Variants in DAP observed in about 807,000 individuals in gnomAD.
DAP encodes the protein death-associated protein 1.
Under a neutral mutation model 13.8 loss-of-function variants are expected in DAP, and 8 were observed. The ratio of observed to expected loss-of-function variants is 0.58; its 90% confidence interval spans 0.34 to 1.05. DAP has a LOEUF of 1.05. Ranked by LOEUF, DAP falls within the 50% of genes least tolerant of loss-of-function variation. The pLI, the probability that DAP is intolerant of heterozygous loss-of-function variation, is 0.03. For missense variants in DAP, 106 were observed against 133.2 expected (o/e 0.80, Z 1.01); for synonymous variants, 47 against 47.5 (o/e 0.99, Z 0.04).
intron 2 of DAP, among the ~76,000 whole-genome samples, chr5:10,698,971 A>C (rs538487118): frequency 6.6e-6 from 1 of 152,366 alleles, no homozygotes; most frequent in Admixed American, 6.5e-5. Flanking sequence ...TGATTGGCTG[A>C]TACGGCTGAG....
rs1036891724 is a variant in DAP at position 10,710,699 on chromosome 5, C to T, written c.153-27128G>A. On this transcript the variant is annotated intron_variant, in intron 2 of 3. Coordinates refer to ENST00000230895, the MANE Select transcript of DAP (RefSeq NM_004394.3). ...AAGGCAGGACGTGCCTTGACTTCTG[C>T]GGGTGACAGGGCAAGCAGGCTGGGA... 7.2e-5 allele frequency among the ~76,000 whole-genome samples: 11 copies of T among 152,176 alleles called. No individual in the cohort carries two copies. The South Asian group carries it at 8.3e-4, about 11-fold the overall frequency.
chr5:10,729,592 A>T (rs1739384494), intron 2 of DAP, among the ~76,000 whole-genome samples: 2 of 152,226 alleles, frequency 1.3e-5, no homozygotes, highest in South Asian at 4.1e-4. Flanking sequence ...AATACCAAAG[A>T]TGTCCCCTAT....
intron 2 of DAP, among the ~76,000 whole-genome samples, chr5:10,689,064 C>G (rs56026836): frequency 2.6e-5 from 4 of 152,108 alleles, no homozygotes; most frequent in Non-Finnish European, 5.9e-5. Flanking sequence ...GTCCTCTGGG[C>G]GTCTCCTGCA....
At chr5:10,749,024 G>A (rs1739979633) in intron 1 of DAP, among the ~76,000 whole-genome samples, 1 of 152,158 alleles carries the variant, frequency 6.6e-6, no homozygotes, top group African/African-American at 2.4e-5. Flanking sequence ...CCAGTCACCT[G>A]GACTTGCTTA....
chr5:10,683,228 CTG>C (rs938409828), intron 3 of DAP: 2 of 466,938 alleles, frequency 4.3e-6, no homozygotes, highest in African/African-American at 4.0e-5. Context: ...GACGGCAATA[CTG>C]TGGGGTTCAC....
chr5:10,710,499 T>A (rs542278727), intron 2 of DAP, among the ~76,000 whole-genome samples: 1 of 152,250 alleles, frequency 6.6e-6, no homozygotes, highest in East Asian at 1.9e-4. Context: ...TCATGGGGCT[T>A]AGAGGCCACA....
chr5:10,727,344 G>A (rs574807038), intron 2 of DAP, among the ~76,000 whole-genome samples: 3 of 152,282 alleles, frequency 2.0e-5, no homozygotes, highest in African/African-American at 7.2e-5. Flanking sequence ...CTGTGGGAAC[G>A]CACAGGGGTC....
At chr5:10,688,181 G>C (rs1186065828) in intron 2 of DAP, among the ~76,000 whole-genome samples, 1 of 152,010 alleles carries the variant, frequency 6.6e-6, no homozygotes. Flanking sequence ...CTCCGAAAGT[G>C]CTAGGATTGC....
chr5:10,756,185 G>C (rs1261278746), intron 1 of DAP, among the ~76,000 whole-genome samples: 1 of 139,992 alleles, frequency 7.1e-6, no homozygotes, highest in East Asian at 2.1e-4. Context: ...AAATGCCATG[G>C]GCCACCTTGA....
At chr5:10,735,154 C>A (rs1372064870) in intron 2 of DAP, among the ~76,000 whole-genome samples, 1 of 134,862 alleles carries the variant, frequency 7.4e-6, no homozygotes, top group Non-Finnish European at 1.6e-5. Context: ...CTAACTTTTA[C>A]AAAATGGACA....
chr5:10,745,317 C>G (rs770152769), intron 2 of DAP, among the ~76,000 whole-genome samples: 1 of 152,196 alleles, frequency 6.6e-6, no homozygotes, highest in Non-Finnish European at 1.5e-5. Context: ...CAGCAGTAAA[C>G]AGCCAAGCCA....
chr5:10,712,107 G>C (rs191611271), intron 2 of DAP, among the ~76,000 whole-genome samples: 1 of 152,172 alleles, frequency 6.6e-6, no homozygotes, highest in South Asian at 2.1e-4. Context: ...CACCCAATAT[G>C]ATTGGTGTCC....
chr5:10,739,248 C>A, intron 2 of DAP, among the ~76,000 whole-genome samples: 1 of 137,646 alleles, frequency 7.3e-6, no homozygotes, highest in Non-Finnish European at 1.6e-5. Context: ...ATGGGAGGAG[C>A]AGCAAGTGTG....
At chr5:10,726,369 T>C (rs1238236923) in intron 2 of DAP, among the ~76,000 whole-genome samples, 1 of 152,250 alleles carries the variant, frequency 6.6e-6, no homozygotes, top group African/African-American at 2.4e-5. Context: ...CTCAGATAAG[T>C]GCTGCTCACA....
At chr5:10,758,384 T>C (rs75663327) in intron 1 of DAP, among the ~76,000 whole-genome samples, 22 of 36,434 alleles carry the variant, frequency 6.0e-4, no homozygotes, top group East Asian at 2.3e-3. Flanking sequence ...CTGTTGGCAT[T>C]TGAGGGGTGC....
At chr5:10,712,434 G>C (rs1738876973) in intron 2 of DAP, among the ~76,000 whole-genome samples, 1 of 152,182 alleles carries the variant, frequency 6.6e-6, no homozygotes, top group Non-Finnish European at 1.5e-5. Flanking sequence ...CGCTTCAGTG[G>C]GGCCTGGAAG....
chr5:10,723,744 A>G (rs950934573), intron 2 of DAP, among the ~76,000 whole-genome samples: 1 of 152,188 alleles, frequency 6.6e-6, no homozygotes, highest in African/African-American at 2.4e-5. Flanking sequence ...CCAAACTCCT[A>G]CCTCATTAAA....
intron 2 of DAP, among the ~76,000 whole-genome samples, chr5:10,719,047 T>G (rs1739067427): frequency 6.6e-6 from 1 of 152,244 alleles, no homozygotes; most frequent in African/African-American, 2.4e-5. Context: ...TCAATCCGAC[T>G]AAAATTCAGA....
chr5:10,757,835 C>G (rs1740230152), intron 1 of DAP, among the ~76,000 whole-genome samples: 1 of 151,942 alleles, frequency 6.6e-6, no homozygotes. Flanking sequence ...GAGAAGAGGC[C>G]CTGGGGAAAC....
Sources: gnomAD v4.1 joint callset for allele counts (sites outside exome capture counted in the v4.1 genomes callset) on GRCh38, gnomAD v4.1.1 for gene constraint, MANE v1.5 for transcripts, NCBI Gene and HGNC (gene_info 2026-07-23, HGNC 2026-07-21) for gene names.